Variants in GRIA1 observed in about 807,000 individuals in gnomAD.
GRIA1 encodes the protein glutamate receptor 1.
In GRIA1, 31 loss-of-function variants were observed where a neutral mutation model predicts 99.2. The observed-to-expected ratio is 0.31, with a 90% CI of 0.23 to 0.42. The LOEUF (loss-of-function observed/expected upper bound fraction) is 0.42. Ranked by LOEUF, GRIA1 falls within the 10% of genes least tolerant of loss-of-function variation. The pLI, the probability that GRIA1 is intolerant of heterozygous loss-of-function variation, is 1.00. For synonymous variants in GRIA1, 438 were observed against 432.4 expected, an observed-to-expected ratio of 1.01 and a Z score of -0.16; for missense variants, 782 against 1,157.5, an observed-to-expected ratio of 0.68 and a Z score of 4.71.
Position 153,582,281 on chromosome 5 carries a change from T to C in GRIA1, c.221-64647T>C, listed in dbSNP as rs563662800. Among the ~76,000 whole-genome samples the C allele has an allele frequency of 7.2e-5, 11 of 152,310 alleles. No homozygotes were observed. In the South Asian group the frequency reaches 1.7e-3, roughly 23 times the overall value. On this transcript the variant is annotated intron_variant, in intron 2 of 15. Coordinates refer to ENST00000285900, the MANE Select transcript of GRIA1 (RefSeq NM_000827.4). ...GCCATGCTGGGACCTTGGCAAATTA[T>C]AGCATTCAAGGGTTTTAGGGTAATG...
At chr5:153,795,660 A>T in intron 14 of GRIA1, 1 of 875,272 alleles carries the variant, frequency 1.1e-6, no homozygotes, top group East Asian at 2.7e-5. Flanking sequence ...GTGTCCTCCG[A>T]GCCTCAGAGA....
At chr5:153,769,512 G>T (rs945850382) in intron 12 of GRIA1, among the ~76,000 whole-genome samples, 1 of 152,040 alleles carries the variant, frequency 6.6e-6, no homozygotes, top group African/African-American at 2.4e-5. Context: ...AGGGGAGAAG[G>T]CCCAAGGTGA....
chr5:153,529,917 A>G (rs187164253), intron 2 of GRIA1, among the ~76,000 whole-genome samples: 1 of 152,132 alleles, frequency 6.6e-6, no homozygotes, highest in Non-Finnish European at 1.5e-5. Context: ...CCCCTCTCTG[A>G]GCCTTATTAC....
intron 2 of GRIA1, among the ~76,000 whole-genome samples, chr5:153,614,976 TATTATC>T (rs1227846119): frequency 6.6e-6 from 1 of 152,224 alleles, no homozygotes; most frequent in Non-Finnish European, 1.5e-5. Flanking sequence ...GGTTTACAGT[TATTATC>T]ATTAACAATT....
chr5:153,491,862 C>T (rs7356588), intron 1 of GRIA1, among the ~76,000 whole-genome samples: 12,335 of 152,122 alleles, frequency 0.081, 1,152 homozygotes, highest in African/African-American at 0.23. Flanking sequence ...TCAAAGGCCC[C>T]GCCACCCTCC....
At chr5:153,694,498 T>C (rs1226996090) in intron 8 of GRIA1, among the ~76,000 whole-genome samples, 1 of 152,216 alleles carries the variant, frequency 6.6e-6, no homozygotes, top group Non-Finnish European at 1.5e-5. Context: ...CTAATGAATA[T>C]CATTTTTTAG....
chr5:153,556,988 T>C (rs1475900303), intron 2 of GRIA1, among the ~76,000 whole-genome samples: 1 of 152,230 alleles, frequency 6.6e-6, no homozygotes, highest in Non-Finnish European at 1.5e-5. Context: ...CTGTACTGAA[T>C]ACTGAGGCAA....
chr5:153,564,672 C>T (rs894366266), intron 2 of GRIA1, among the ~76,000 whole-genome samples: 4 of 152,086 alleles, frequency 2.6e-5, no homozygotes, highest in African/African-American at 9.7e-5. Flanking sequence ...AAGGATTGGC[C>T]TAGATAAAGT....
At chr5:153,673,260 C>A (rs1213056975) in intron 5 of GRIA1, among the ~76,000 whole-genome samples, 1 of 152,204 alleles carries the variant, frequency 6.6e-6, no homozygotes, top group Non-Finnish European at 1.5e-5. Flanking sequence ...GCCAAGACCA[C>A]CTCCTTGCGG....
intron 2 of GRIA1, chr5:153,557,832 A>C (rs1046579036): frequency 2.0e-5 from 3 of 152,212 alleles, no homozygotes; most frequent in Admixed American, 2.0e-4. Context: ...TGGCAATAGC[A>C]CGCATGGAGC....
At chr5:153,516,581 C>T (rs1385133187) in intron 2 of GRIA1, among the ~76,000 whole-genome samples, 1 of 152,142 alleles carries the variant, frequency 6.6e-6, no homozygotes, top group Non-Finnish European at 1.5e-5. Flanking sequence ...GTGGCATTGG[C>T]TCAGATGCTT....
chr5:153,651,658 G>C (rs1400290571), intron 4 of GRIA1, among the ~76,000 whole-genome samples: 1 of 152,150 alleles, frequency 6.6e-6, no homozygotes, highest in Non-Finnish European at 1.5e-5. Flanking sequence ...ATTACTCAGA[G>C]GCCTCAGCAA....
chr5:153,512,617 C>A (rs1273739511), intron 2 of GRIA1, among the ~76,000 whole-genome samples: 1 of 152,190 alleles, frequency 6.6e-6, no homozygotes, highest in East Asian at 1.9e-4. Context: ...TCCCAATCAA[C>A]ATGGCTGTTA....
intron 15 of GRIA1, among the ~76,000 whole-genome samples, chr5:153,808,398 G>T (rs995168226): frequency 3.3e-5 from 5 of 151,744 alleles, no homozygotes; most frequent in Admixed American, 6.6e-5. Flanking sequence ...GGCGGGGAGT[G>T]GGGGGGAGTA....
At chr5:153,614,265 T>C (rs1236966252) in intron 2 of GRIA1, among the ~76,000 whole-genome samples, 9 of 152,234 alleles carry the variant, frequency 5.9e-5, no homozygotes, top group Non-Finnish European at 1.3e-4. Flanking sequence ...AGACAAGCCC[T>C]ATAAGGACAA....
chr5:153,564,293 C>T (rs1168738729), intron 2 of GRIA1, among the ~76,000 whole-genome samples: 10 of 152,106 alleles, frequency 6.6e-5, no homozygotes, highest in Non-Finnish European at 1.0e-4. Flanking sequence ...AGAGGGAAGA[C>T]TTCATGGGGG....
intron 11 of GRIA1, among the ~76,000 whole-genome samples, chr5:153,762,003 A>G (rs1428997223): frequency 6.6e-6 from 1 of 152,212 alleles, no homozygotes; most frequent in African/African-American, 2.4e-5. Flanking sequence ...CAGTGGTTCC[A>G]GAGGCTGGGG....
At chr5:153,497,480 GGC>G (rs1472786918) in intron 2 of GRIA1, among the ~76,000 whole-genome samples, 11 of 152,142 alleles carry the variant, frequency 7.2e-5, no homozygotes, top group East Asian at 3.9e-4. Context: ...CCAAACACTG[GGC>G]CAGACGCTAG....
intron 11 of GRIA1, among the ~76,000 whole-genome samples, chr5:153,738,942 G>A (rs1038998125): frequency 4.0e-5 from 6 of 151,596 alleles, no homozygotes; most frequent in Non-Finnish European, 8.8e-5. Context: ...GGATGGTCTC[G>A]AACTCCCGAC....
Sources: gnomAD v4.1 joint callset for allele counts (sites outside exome capture counted in the v4.1 genomes callset) on GRCh38, gnomAD v4.1.1 for gene constraint, MANE v1.5 for transcripts, NCBI Gene and HGNC (gene_info 2026-07-23, HGNC 2026-07-21) for gene names.